Variants in AUTS2 observed in about 807,000 individuals in gnomAD.
AUTS2 encodes activator of transcription and developmental regulator AUTS2.
In AUTS2, 17 loss-of-function variants were observed where a neutral mutation model predicts 112.4. The observed-to-expected ratio is 0.15, with a 90% CI of 0.10 to 0.23. The LOEUF (loss-of-function observed/expected upper bound fraction) is 0.23, where lower values mean the gene tolerates loss of function less well. Ranked by LOEUF, AUTS2 falls within the 10% of genes least tolerant of loss-of-function variation. AUTS2 has a pLI of 1.00. For synonymous variants in AUTS2, 751 were observed against 702.7 expected (o/e 1.07, Z -1.09); for missense variants, 1,510 against 1,701.6 (o/e 0.89, Z 1.98).
intron 4 of AUTS2, among the ~76,000 whole-genome samples, chr7:70,141,099 T>C (rs886962620): frequency 2.0e-5 from 3 of 152,088 alleles, no homozygotes; most frequent in African/African-American, 7.2e-5. Flanking sequence ...GATGTTTAGA[T>C]AGTCAACAGG....
chr7:70,082,480 G>C (rs10270616), intron 2 of AUTS2, among the ~76,000 whole-genome samples: 55,963 of 151,976 alleles, frequency 0.37, 10,839 homozygotes, highest in African/African-American at 0.49. Flanking sequence ...TAGTACTTTA[G>C]TTCTGGTTTT....
intron 5 of AUTS2, among the ~76,000 whole-genome samples, chr7:70,696,773 G>GT (rs1454031972): frequency 2.6e-5 from 4 of 152,114 alleles, no homozygotes; most frequent in African/African-American, 7.2e-5. Flanking sequence ...ACAGTAATTT[G>GT]TTTTTACATT....
chr7:69,640,991 G>A lies in AUTS2; in HGVS notation c.309+41029G>A, dbSNP rs182972834. Among the ~76,000 whole-genome samples the A allele has an allele frequency of 2.6e-5, 4 of 152,250 alleles. No individual in the cohort carries two copies. The East Asian group carries it at 5.8e-4, about 22-fold the overall frequency. ...AAGGTTGGGTGGTAGAGAGATTGAA[G>A]GAAGTTGCAAGTGACCTAATAGCTA... On this transcript the variant is annotated intron_variant, in intron 1 of 18. Coordinates refer to ENST00000342771, the MANE Select transcript of AUTS2 (RefSeq NM_015570.4).
chr7:69,987,411 A>ATTTGAT (rs1798555971), intron 2 of AUTS2, among the ~76,000 whole-genome samples: 2 of 152,236 alleles, frequency 1.3e-5, no homozygotes, highest in African/African-American at 4.8e-5. Flanking sequence ...AATATTAAAT[A>ATTTGAT]ACCTCTTGAG....
At chr7:69,870,907 T>G (rs1793466493) in intron 1 of AUTS2, among the ~76,000 whole-genome samples, 3 of 152,228 alleles carry the variant, frequency 2.0e-5, no homozygotes, top group Admixed American at 6.5e-5. Context: ...ATGGTTCTGT[T>G]GTGCAATGCC....
At chr7:70,328,785 G>A (rs1012993510) in intron 4 of AUTS2, among the ~76,000 whole-genome samples, 3 of 152,172 alleles carry the variant, frequency 2.0e-5, no homozygotes, top group Non-Finnish European at 4.4e-5. Context: ...AATCGTTTGA[G>A]ATGAAATTCA....
chr7:70,769,280 G>A (rs1790166235), intron 10 of AUTS2, among the ~76,000 whole-genome samples: 1 of 152,146 alleles, frequency 6.6e-6, no homozygotes, highest in African/African-American at 2.4e-5. Context: ...ATATTTCACG[G>A]GGACACCCAA....
chr7:69,769,648 A>C (rs1174685552), intron 1 of AUTS2, among the ~76,000 whole-genome samples: 1 of 152,218 alleles, frequency 6.6e-6, no homozygotes, highest in African/African-American at 2.4e-5. Flanking sequence ...TATTGTCTAG[A>C]AATTAATAAT....
At chr7:70,295,848 A>G (rs917923348) in intron 4 of AUTS2, among the ~76,000 whole-genome samples, 1 of 152,200 alleles carries the variant, frequency 6.6e-6, no homozygotes, top group Non-Finnish European at 1.5e-5. Context: ...AAGAGAGTTC[A>G]TAGTATAGAT....
intron 4 of AUTS2, among the ~76,000 whole-genome samples, chr7:70,275,541 T>C (rs2129609625): frequency 1.3e-5 from 2 of 151,806 alleles, no homozygotes; most frequent in East Asian, 3.9e-4. Context: ...GTTAGAATGG[T>C]AAAAAAAAAT....
intron 5 of AUTS2, among the ~76,000 whole-genome samples, chr7:70,539,613 A>G (rs934768382): frequency 2.0e-5 from 3 of 152,266 alleles, no homozygotes; most frequent in African/African-American, 7.2e-5. Flanking sequence ...TTTTGGTCCA[A>G]TTATTTTCCT....
intron 6 of AUTS2, among the ~76,000 whole-genome samples, chr7:70,731,583 C>T (rs1319199517): frequency 2.6e-5 from 4 of 151,768 alleles, no homozygotes; most frequent in Admixed American, 1.3e-4. Context: ...GTGCCCGCCA[C>T]CATGCCCGGC....
At chr7:69,706,838 G>A (rs1349728808) in intron 1 of AUTS2, among the ~76,000 whole-genome samples, 1 of 152,164 alleles carries the variant, frequency 6.6e-6, no homozygotes, top group Non-Finnish European at 1.5e-5. Context: ...GTTGTATTGT[G>A]TGATGAGATT....
chr7:70,435,644 T>A, intron 4 of AUTS2, 108 bp from the exon 5 acceptor site: 1 of 1,097,758 alleles, frequency 9.1e-7, no homozygotes, highest in African/African-American at 1.6e-5. Context: ...TTTTATTTCC[T>A]TTACTTATCT....
chr7:70,230,998 G>A (rs573952751), intron 4 of AUTS2, among the ~76,000 whole-genome samples: 5 of 152,338 alleles, frequency 3.3e-5, no homozygotes, highest in African/African-American at 7.2e-5. Flanking sequence ...GAGTAGCACC[G>A]CACTAAAGTG....
At chr7:70,589,753 A>G (rs935135902) in intron 5 of AUTS2, among the ~76,000 whole-genome samples, 1 of 152,116 alleles carries the variant, frequency 6.6e-6, no homozygotes, top group African/African-American at 2.4e-5. Flanking sequence ...TGGGGATATG[A>G]CTGATAGTTT....
intron 5 of AUTS2, among the ~76,000 whole-genome samples, chr7:70,681,216 G>A (rs1808188744): frequency 6.6e-6 from 1 of 152,200 alleles, no homozygotes; most frequent in Non-Finnish European, 1.5e-5. Context: ...CCCCAGTTCA[G>A]GAGCAGATGG....
At chr7:69,906,123 C>T (rs112282552) in intron 2 of AUTS2, among the ~76,000 whole-genome samples, 183 of 152,276 alleles carry the variant, frequency 1.2e-3, no homozygotes, top group African/African-American at 4.1e-3. Context: ...TGAGGGAGCA[C>T]ATCTTTCCTT....
intron 9 of AUTS2, among the ~76,000 whole-genome samples, chr7:70,767,097 G>A (rs1041133702): frequency 7.2e-5 from 11 of 152,150 alleles, no homozygotes; most frequent in African/African-American, 1.9e-4. Flanking sequence ...GTCTAACAGT[G>A]AGTATTAGAG....
Sources: allele counts gnomAD v4.1 joint callset (sites outside exome capture counted in the v4.1 genomes callset), GRCh38; gene constraint gnomAD v4.1.1; transcripts MANE v1.5; gene names NCBI Gene and HGNC (gene_info 2026-07-23, HGNC 2026-07-21).